The following CHSY3 variants were observed in gnomAD, a reference collection of about 807,000 sequenced individuals.
CHSY3 encodes N-acetylgalactosaminyl-proteoglycan 3-beta-glucuronosyltransferase 3.
CHSY3 carries 35 observed loss-of-function variants against 67.2 expected under a neutral mutation model. The observed-to-expected ratio is 0.52, with a 90% CI of 0.40 to 0.69. The LOEUF (loss-of-function observed/expected upper bound fraction) is 0.69, where lower values mean the gene tolerates loss of function less well. Ranked by LOEUF, CHSY3 falls within the 30% of genes least tolerant of loss-of-function variation. The probability of loss-of-function intolerance (pLI) is 0.00; values close to 1 mark genes in which losing one functional copy is unlikely to be tolerated. For missense variants in CHSY3, 1,069 were observed against 1,138.5 expected, an observed-to-expected ratio of 0.94 and a Z score of 0.88; for synonymous variants, 474 against 434.7, an observed-to-expected ratio of 1.09 and a Z score of -1.12.
chr5:130,078,759 T>C (rs1236136900), intron 2 of CHSY3, among the ~76,000 whole-genome samples: 1 of 152,100 alleles, frequency 6.6e-6, no homozygotes, highest in Non-Finnish European at 1.5e-5. Flanking sequence ...ATTCTTTTGC[T>C]CAGTGCTTGA....
chr5:130,128,162 A>G (rs1768354689), intron 2 of CHSY3, among the ~76,000 whole-genome samples: 1 of 152,088 alleles, frequency 6.6e-6, no homozygotes. Context: ...TCCTTCAAAA[A>G]TTCTCTCAAG....
intron 2 of CHSY3, among the ~76,000 whole-genome samples, chr5:129,950,867 T>A (rs1762004036): frequency 6.6e-6 from 1 of 152,124 alleles, no homozygotes; most frequent in Non-Finnish European, 1.5e-5. Flanking sequence ...TTATCAAAAT[T>A]CCAATAGCAT....
intron 2 of CHSY3, among the ~76,000 whole-genome samples, chr5:129,931,478 A>C (rs1761306221): frequency 6.6e-6 from 1 of 152,178 alleles, no homozygotes; most frequent in African/African-American, 2.4e-5. Flanking sequence ...TGATCTATAG[A>C]TATTTGAATA....
At chr5:130,124,601 G>A (rs1251985665) in intron 2 of CHSY3, among the ~76,000 whole-genome samples, 5 of 151,910 alleles carry the variant, frequency 3.3e-5, no homozygotes, top group Admixed American at 6.6e-5. Context: ...GATTACAGGC[G>A]CCCACCACCA....
intron 2 of CHSY3, chr5:130,141,577 C>A: frequency 2.1e-6 from 1 of 472,540 alleles, no homozygotes; most frequent in Admixed American, 2.3e-5. Context: ...ATGTATGGTC[C>A]AGGAAGCTGA....
At chr5:130,085,589 T>C (rs1766590454) in intron 2 of CHSY3, among the ~76,000 whole-genome samples, 1 of 152,046 alleles carries the variant, frequency 6.6e-6, no homozygotes, top group Non-Finnish European at 1.5e-5. Flanking sequence ...TTTTGAAGGG[T>C]TTTTTATGTC....
intron 2 of CHSY3, among the ~76,000 whole-genome samples, chr5:129,957,606 TA>T (rs1291490837): frequency 6.6e-6 from 1 of 152,172 alleles, no homozygotes; most frequent in African/African-American, 2.4e-5. Context: ...AGGTTCAAAA[TA>T]TTTTTTTCCT....
intron 2 of CHSY3, among the ~76,000 whole-genome samples, chr5:130,180,085 G>A (rs1770199910): frequency 1.3e-5 from 2 of 152,096 alleles, no homozygotes; most frequent in East Asian, 3.9e-4. Flanking sequence ...TAAGTTTTAT[G>A]CCCTACATTT....
At chr5:129,916,887 T>G in intron 2 of CHSY3, among the ~76,000 whole-genome samples, 1 of 152,142 alleles carries the variant, frequency 6.6e-6, no homozygotes, top group East Asian at 1.9e-4. Context: ...AATTGTTTTT[T>G]TTTCATTGTA....
chr5:130,142,791 T>C (rs1469316583), intron 2 of CHSY3, among the ~76,000 whole-genome samples: 1 of 152,136 alleles, frequency 6.6e-6, no homozygotes, highest in East Asian at 1.9e-4. Context: ...ATAGCTGCTT[T>C]AGTGAGTGTT....
rs1156472295 is a variant in CHSY3, at chr5:130,184,825, C to T, written c.1683C>T (p.Ala561=). The T allele has an allele frequency of 6.2e-7, 1 of 1,610,914 alleles. No homozygotes were observed. The highest frequency in any genetic ancestry group is 1.7e-5 in the Admixed American group (1 of 59,998). ...RKLTVPVRRH[A]YLQQLFSKPF... is the part of the protein sequence containing the mutation. ...TGACTGTGCCAGTGAGACGTCATGCCTATCTTCAGCAGTTGTTCAGCAAGC... is the reference window on the plus strand; with the variant it reads ...TGACTGTGCCAGTGAGACGTCATGCTTATCTTCAGCAGTTGTTCAGCAAGC... The change falls in exon 3 of 3, where the codon GCC becomes GCT. Residue 561 remains alanine, a synonymous_variant. Transcript: ENST00000305031.
At chr5:130,120,018 G>T (rs2149708281) in intron 2 of CHSY3, among the ~76,000 whole-genome samples, 1 of 152,066 alleles carries the variant, frequency 6.6e-6, no homozygotes, top group South Asian at 2.1e-4. Flanking sequence ...GCTATCCTCA[G>T]ATTACTATAC....
intron 2 of CHSY3, among the ~76,000 whole-genome samples, chr5:130,160,316 A>G (rs937063209): frequency 1.3e-5 from 2 of 152,068 alleles, no homozygotes; most frequent in African/African-American, 2.4e-5. Context: ...TCTCCTCACT[A>G]CCAAATCCTC....
At chr5:129,989,972 T>G (rs767779294) in intron 2 of CHSY3, among the ~76,000 whole-genome samples, 46 of 152,126 alleles carry the variant, frequency 3.0e-4, no homozygotes, top group Non-Finnish European at 6.2e-4. Flanking sequence ...CAGTAAAACT[T>G]TATTTACTCA....
chr5:130,001,836 A>C, intron 2 of CHSY3: 1 of 864,946 alleles, frequency 1.2e-6, no homozygotes, highest in East Asian at 1.2e-4. Context: ...CCTGTAACTG[A>C]CATTCAGAAA....
At chr5:130,170,974 C>A (rs993431017) in intron 2 of CHSY3, among the ~76,000 whole-genome samples, 1 of 152,058 alleles carries the variant, frequency 6.6e-6, no homozygotes, top group African/African-American at 2.4e-5. Context: ...CAAGGAAATG[C>A]AATCACTAGT....
chr5:130,111,107 A>G (rs1263060886), intron 2 of CHSY3, among the ~76,000 whole-genome samples: 1 of 152,094 alleles, frequency 6.6e-6, no homozygotes, highest in African/African-American at 2.4e-5. Context: ...GGCTAGGCTC[A>G]CTGATGAGCA....
intron 2 of CHSY3, among the ~76,000 whole-genome samples, chr5:130,014,586 A>C (rs914698831): frequency 6.6e-6 from 1 of 152,174 alleles, no homozygotes; most frequent in African/African-American, 2.4e-5. Flanking sequence ...TCTCCTTGAC[A>C]ATCTAATTAC....
At chr5:129,984,674 G>T (rs1763122160) in intron 2 of CHSY3, among the ~76,000 whole-genome samples, 1 of 151,860 alleles carries the variant, frequency 6.6e-6, no homozygotes, top group Non-Finnish European at 1.5e-5. Context: ...TTGTAATCTT[G>T]TCAGCATATG....
Sources: gnomAD v4.1 joint callset for allele counts (sites outside exome capture counted in the v4.1 genomes callset) on GRCh38, gnomAD v4.1.1 for gene constraint, MANE v1.5 for transcripts, NCBI Gene and HGNC (gene_info 2026-07-23, HGNC 2026-07-21) for gene names.